ADGRL2: variants seen among roughly 807,000 people sequenced by gnomAD.
ADGRL2 encodes the protein adhesion G protein-coupled receptor L2, also known as calcium-independent alpha-latrotoxin receptor 2.
In ADGRL2, 44 loss-of-function variants were observed where a neutral mutation model predicts 157.4. That is an observed-to-expected ratio of 0.28 (90% CI 0.22 to 0.36). ADGRL2 has a LOEUF of 0.36. Among genes scored for constraint, ADGRL2 ranks in the 10% least tolerant of loss-of-function variants. The pLI, the probability that ADGRL2 is intolerant of heterozygous loss-of-function variation, is 1.00. For missense variants in ADGRL2, 1,510 were observed against 1,768.9 expected, an observed-to-expected ratio of 0.85 and a Z score of 2.63; for synonymous variants, 585 against 624.7, an observed-to-expected ratio of 0.94 and a Z score of 0.95.
chr1:81,683,827 T>C (rs887424937), intron 3 of ADGRL2, among the ~76,000 whole-genome samples: 7 of 152,092 alleles, frequency 4.6e-5, no homozygotes, highest in Admixed American at 4.6e-4. Context: ...TTCTTTTTTT[T>C]TTCTTTTGAG....
intron 2 of ADGRL2, among the ~76,000 whole-genome samples, chr1:81,576,334 CTTCT>C (rs2148517517): frequency 6.6e-6 from 1 of 152,162 alleles, no homozygotes; most frequent in Non-Finnish European, 1.5e-5. Context: ...GCTTTCTTTT[CTTCT>C]TTCTCTCTTT....
intron 1 of ADGRL2, among the ~76,000 whole-genome samples, chr1:81,382,073 G>A (rs959228566): frequency 2.6e-5 from 4 of 152,148 alleles, no homozygotes; most frequent in African/African-American, 7.2e-5. Flanking sequence ...TTCTTTCCAA[G>A]TGTTGGACTA....
intron 23 of ADGRL2, chr1:81,989,632 C>A (rs1223754259): frequency 1.2e-6 from 2 of 1,602,064 alleles, no homozygotes; most frequent in East Asian, 2.2e-5. Context: ...TACAATAAAT[C>A]ATTTTACTTT....
At chr1:81,786,512 G>T (rs2087054171) in intron 2 of ADGRL2, among the ~76,000 whole-genome samples, 1 of 152,146 alleles carries the variant, frequency 6.6e-6, no homozygotes, top group African/African-American at 2.4e-5. Flanking sequence ...AGAGGCAGAG[G>T]TTGCAGTGAG....
chr1:81,991,203 T>A lies in ADGRL2; in HGVS notation c.*58T>A. ...CGAGTATTAATAAATAAAGACACCA[T>A]TGGCCTGACGCAGCTCCCTCAAACT... On this transcript the variant is annotated 3_prime_UTR_variant, in exon 24 of 24. Transcript: ENST00000686636. 1 of 1,482,148 alleles carries A rather than the reference T, an allele frequency of 6.7e-7. No individual in the cohort carries two copies. Among genetic ancestry groups the A allele is most frequent in the Non-Finnish European group, 9.1e-7 (1 of 1,100,688 alleles). 91.8% of individuals were successfully genotyped at this position (1,482,148 alleles called of 1,614,324 possible).
chr1:81,852,818 C>G (rs1457133606), intron 2 of ADGRL2, among the ~76,000 whole-genome samples: 1 of 151,856 alleles, frequency 6.6e-6, no homozygotes, highest in East Asian at 1.9e-4. Context: ...AAGTACTGTA[C>G]TATGTAAATA....
chr1:81,946,879 CT>C (rs1361298324), intron 6 of ADGRL2, among the ~76,000 whole-genome samples: 2 of 152,198 alleles, frequency 1.3e-5, no homozygotes, highest in East Asian at 3.9e-4. Flanking sequence ...ATTCTTGGAC[CT>C]CAGTGAGGAG....
chr1:81,594,893 T>C (rs1045206038), intron 3 of ADGRL2, among the ~76,000 whole-genome samples: 1 of 152,244 alleles, frequency 6.6e-6, no homozygotes. Flanking sequence ...TATAATAGAA[T>C]AAGTCACAAC....
intron 1 of ADGRL2, among the ~76,000 whole-genome samples, chr1:81,338,372 A>AACAAAACAAAACACAAAACAAAAC (rs71088205): frequency 2.6e-5 from 4 of 150,976 alleles, no homozygotes; most frequent in African/African-American, 9.8e-5. Flanking sequence ...CAAAAAACAA[A>AACAAAACAAAACACAAAACAAAAC]ACAAAACAAA....
At chr1:81,796,445 A>T (rs773591490), upstream of ADGRL2, among the ~76,000 whole-genome samples, 13 of 152,228 alleles carry the variant, frequency 8.5e-5, no homozygotes, top group Non-Finnish European at 2.9e-5. Context: ...TAAAAGACCT[A>T]TAAGACCCAA....
At chr1:81,314,114 CT>C (rs1659944760) in intron 1 of ADGRL2, among the ~76,000 whole-genome samples, 1 of 152,150 alleles carries the variant, frequency 6.6e-6, no homozygotes, top group Non-Finnish European at 1.5e-5. Flanking sequence ...TGACAACCCC[CT>C]GGTGTTAATC....
intron 2 of ADGRL2, among the ~76,000 whole-genome samples, chr1:81,857,052 T>C (rs1272048119): frequency 6.6e-6 from 1 of 152,148 alleles, no homozygotes; most frequent in Non-Finnish European, 1.5e-5. Context: ...TATTAATCAC[T>C]GTAGTAGGTG....
At chr1:81,393,694 C>A (rs1197731176) in intron 1 of ADGRL2, among the ~76,000 whole-genome samples, 1 of 152,064 alleles carries the variant, frequency 6.6e-6, no homozygotes, top group African/African-American at 2.4e-5. Flanking sequence ...AAGTTTAATA[C>A]TAAGAAAGGT....
intron 2 of ADGRL2, among the ~76,000 whole-genome samples, chr1:81,453,672 T>A (rs138509447): frequency 6.6e-6 from 1 of 152,192 alleles, no homozygotes; most frequent in Admixed American, 6.6e-5. Flanking sequence ...AATGGTTTAG[T>A]GGACTGGTGA....
At chr1:81,754,545 TTCTTTCTTTCTC>T (rs958937590) in intron 1 of ADGRL2, among the ~76,000 whole-genome samples, 3 of 137,824 alleles carry the variant, frequency 2.2e-5, no homozygotes, top group Admixed American at 7.7e-5. Flanking sequence ...CTTTCTTTCC[TTCTTTCTTTCTC>T]TCTTTCTTTC....
In ADGRL2 at chr1:81,939,967, A is replaced by C. The variant is rs145860676; in HGVS notation, c.398-2067A>C. On this transcript the variant is annotated intron_variant, in intron 4 of 23. Transcript: ENST00000686636. ...GTGTTACTTACTTTTCAACAGAATT[A>C]TAAAATATATACAATATATAATTTA... Among the ~76,000 whole-genome samples, 748 of 151,244 alleles carry C rather than the reference A, an allele frequency of 4.9e-3. 5 individuals carry two copies. The highest frequency in any genetic ancestry group is 0.017 in the African/African-American group (716 of 41,448).
In ADGRL2 at chr1:81,931,073, C is replaced by T. The variant is rs536740080; in HGVS notation, c.288-5655C>T. 3.3e-4 allele frequency among the ~76,000 whole-genome samples: 51 copies of T among 152,272 alleles called. No individual in the cohort carries two copies. The Middle Eastern group carries it at 0.01, about 30-fold the overall frequency. On this transcript the variant is annotated intron_variant, in intron 3 of 23. Transcript: ENST00000686636. ...CTGAGGCAGGAGAATTGCTTGACCC[C>T]GGGAGGCCAAGGTTGCAGTGAGCCA... is the stretch of plus-strand genomic sequence containing the variant.
At chr1:81,637,367 T>C (rs994323364) in intron 3 of ADGRL2, among the ~76,000 whole-genome samples, 7 of 152,196 alleles carry the variant, frequency 4.6e-5, no homozygotes, top group Admixed American at 2.6e-4. Flanking sequence ...GTGAAATAAT[T>C]TGACCCAGCT....
intron 2 of ADGRL2, among the ~76,000 whole-genome samples, chr1:81,456,914 T>A (rs2077819672): frequency 6.6e-6 from 1 of 152,078 alleles, no homozygotes; most frequent in Admixed American, 6.6e-5. Flanking sequence ...TTCCTAAGCT[T>A]CTACTTTATT....
Sources: gnomAD v4.1 joint callset for allele counts (sites outside exome capture counted in the v4.1 genomes callset) on GRCh38, gnomAD v4.1.1 for gene constraint, MANE v1.5 for transcripts, NCBI Gene and HGNC (gene_info 2026-07-23, HGNC 2026-07-21) for gene names.